NT5DC1: variants seen among roughly 807,000 people sequenced by gnomAD.
NT5DC1 encodes the protein 5'-nucleotidase domain-containing protein 1.
NT5DC1 carries 42 observed loss-of-function variants against 59.4 expected under a neutral mutation model. The ratio of observed to expected loss-of-function variants is 0.71; its 90% CI spans 0.55 to 0.92. NT5DC1 has a LOEUF of 0.92. NT5DC1 is among the 40% of genes least tolerant of loss of function. The pLI, the probability that NT5DC1 is intolerant of heterozygous loss-of-function variation, is 0.00. For synonymous variants in NT5DC1, 172 were observed against 188.1 expected, an observed-to-expected ratio of 0.91 and a Z score of 0.70; for missense variants, 501 against 537.1, an observed-to-expected ratio of 0.93 and a Z score of 0.66.
chr6:116,103,377 G>T (rs186745544), intron 1 of NT5DC1, among the ~76,000 whole-genome samples: 1 of 151,906 alleles, frequency 6.6e-6, no homozygotes, highest in East Asian at 1.9e-4. Flanking sequence ...ATCAAGCAAC[G>T]GGGCACAGAA....
At chr6:116,187,751 A>G (rs187191159) in intron 6 of NT5DC1, among the ~76,000 whole-genome samples, 2 of 152,214 alleles carry the variant, frequency 1.3e-5, no homozygotes, top group Non-Finnish European at 1.5e-5. Context: ...CAAATCAGTA[A>G]AGCTATCAGA....
chr6:116,183,119 G>A (rs1287299480), intron 6 of NT5DC1, among the ~76,000 whole-genome samples: 1 of 151,974 alleles, frequency 6.6e-6, no homozygotes, highest in Non-Finnish European at 1.5e-5. Flanking sequence ...TGCACCATTT[G>A]TTGAATAGGG....
rs1400779086 is a variant in NT5DC1, at chr6:116,246,236, C to T, written c.*2212C>T. The T allele has an allele frequency of 6.6e-6, 1 of 151,980 alleles. No individual in the cohort carries two copies. The highest frequency in any genetic ancestry group is 1.5e-5 in the Non-Finnish European group (1 of 67,964). The allele number at this position is 151,980 out of a possible 1,614,324, so 9.4% of individuals were successfully genotyped here. Reference sequence around the variant, plus strand: ...AAGGACACCTAAAAATAGATGTAAGCGAGCGGAGGTTTTCTTTGCTGGCCA... The same window carrying T: ...AAGGACACCTAAAAATAGATGTAAGTGAGCGGAGGTTTTCTTTGCTGGCCA... On this transcript the variant is annotated 3_prime_UTR_variant, in exon 12 of 12. Transcript: ENST00000319550.
At chr6:116,153,761 G>A (rs1780111601) in intron 6 of NT5DC1, among the ~76,000 whole-genome samples, 1 of 152,124 alleles carries the variant, frequency 6.6e-6, no homozygotes, top group South Asian at 2.1e-4. Flanking sequence ...TCATTTTTAT[G>A]TTTTATGCAA....
chr6:116,162,739 T>G (rs184172023), intron 6 of NT5DC1, among the ~76,000 whole-genome samples: 111 of 152,268 alleles, frequency 7.3e-4, no homozygotes, highest in Admixed American at 1.8e-3. Flanking sequence ...AGTTTTCTGT[T>G]TTTGTGTTAT....
intron 6 of NT5DC1, among the ~76,000 whole-genome samples, chr6:116,207,356 C>G (rs1781478093): frequency 1.1e-5 from 1 of 90,710 alleles, no homozygotes; most frequent in African/African-American, 4.8e-5. Context: ...TTAATGTATT[C>G]TAAAGAGAGA....
chr6:116,240,501 G>T (rs1388417384), intron 11 of NT5DC1, among the ~76,000 whole-genome samples: 1 of 152,060 alleles, frequency 6.6e-6, no homozygotes, highest in Non-Finnish European at 1.5e-5. Context: ...ATCCACAGGG[G>T]TCCCCTGCAG....
Position 116,165,885 on chromosome 6 carries a change from C to G in NT5DC1, c.529+47940C>G, listed in dbSNP as rs575421814. On this transcript the variant is annotated intron_variant, in intron 6 of 11. Coordinates refer to ENST00000319550, the MANE Select transcript of NT5DC1 (RefSeq NM_152729.3). Reference sequence around the variant, plus strand: ...TTGCAACAACTTGGGCTGAGATTCCCCATGCAGGGTAGTAGCCCACAATGA... The same window carrying G: ...TTGCAACAACTTGGGCTGAGATTCCGCATGCAGGGTAGTAGCCCACAATGA... Among the ~76,000 whole-genome samples the G allele has an allele frequency of 2.0e-5, 3 of 152,290 alleles. No homozygotes were observed. The South Asian group carries it at 6.2e-4, about 32-fold the overall frequency.
chr6:116,231,996 G>A (rs1465774411), intron 8 of NT5DC1, among the ~76,000 whole-genome samples: 1 of 152,118 alleles, frequency 6.6e-6, no homozygotes, highest in Admixed American at 6.5e-5. Context: ...TTATTTCTTT[G>A]CAGTTCTGCA....
rs74315526 is a variant in NT5DC1, at chr6:116,200,499, A to G, written c.530-20555A>G. The stretch of plus-strand genomic sequence containing the variant: ...GAAATTGAGTGTGAGGTGTATGGGA[A>G]CTCTGGACTATCTTTGTAATTTTTC... On this transcript the variant is annotated intron_variant, in intron 6 of 11. Coordinates refer to ENST00000319550, the MANE Select transcript of NT5DC1 (RefSeq NM_152729.3). 5.3e-4 allele frequency among the ~76,000 whole-genome samples: 81 copies of G among 152,124 alleles called. 4 individuals are homozygous for G. In the East Asian group the frequency reaches 0.015, roughly 27 times the overall value.
chr6:116,238,908 G>A (rs776745937), intron 10 of NT5DC1, 47 bp from the exon 11 acceptor site: 1 of 1,201,074 alleles, frequency 8.3e-7, no homozygotes, highest in Admixed American at 1.9e-5. Flanking sequence ...TTATGAGATT[G>A]AACATTAGTT....
intron 6 of NT5DC1, chr6:116,119,776 T>C (rs529446967): frequency 3.7e-6 from 1 of 267,352 alleles, no homozygotes; most frequent in East Asian, 6.7e-5. Context: ...TTGTTGTTTG[T>C]TTTTTGTTGT....
intron 6 of NT5DC1, among the ~76,000 whole-genome samples, chr6:116,204,374 C>A (rs530391366): frequency 1.3e-5 from 2 of 151,916 alleles, no homozygotes; most frequent in Non-Finnish European, 2.9e-5. Flanking sequence ...CAAAAAGATG[C>A]ACTACCTAAT....
chr6:116,106,273 A>T lies in NT5DC1; in HGVS notation c.123A>T (p.Leu41=). Residue 41 remains leucine, a synonymous_variant, in exon 2 of 12, where the codon CTA becomes CTT. Transcript: ENST00000319550. ...PLIYNSFAQF[L]VKEKGYDKEL... is the part of the protein sequence containing the mutation. ...TTTATAATAGCTTTGCCCAGTTCCT[A>T]GTTAAGGAGAAAGGGTACGATAAGG... 1 of 1,583,742 alleles carries T rather than the reference A, an allele frequency of 6.3e-7. No individual in the cohort carries two copies. The highest frequency in any genetic ancestry group is 8.7e-7 in the Non-Finnish European group (1 of 1,153,704).
At chr6:116,225,728 T>C (rs1781893994) in intron 8 of NT5DC1, among the ~76,000 whole-genome samples, 1 of 152,200 alleles carries the variant, frequency 6.6e-6, no homozygotes, top group South Asian at 2.1e-4. Context: ...GAATTTTAGC[T>C]CTAAAGGCAG....
chr6:116,232,463 G>A (rs895940006), intron 8 of NT5DC1, among the ~76,000 whole-genome samples: 3 of 151,716 alleles, frequency 2.0e-5, no homozygotes, highest in African/African-American at 7.3e-5. Context: ...GAAGAGGTGA[G>A]TGCATACCAG....
chr6:116,143,278 T>C (rs1210382223), intron 6 of NT5DC1, among the ~76,000 whole-genome samples: 3 of 152,176 alleles, frequency 2.0e-5, no homozygotes, highest in African/African-American at 7.2e-5. Context: ...TGGCGCGATT[T>C]TGGCTCATTG....
intron 6 of NT5DC1, among the ~76,000 whole-genome samples, chr6:116,151,807 A>G (rs1020923056): frequency 6.6e-6 from 1 of 152,220 alleles, no homozygotes; most frequent in African/African-American, 2.4e-5. Flanking sequence ...AGCAACAACA[A>G]AATACTTCAC....
In NT5DC1 at chr6:116,249,131, T is replaced by C. The variant is rs937869318; in HGVS notation, c.*5107T>C. 1 of 152,010 alleles carries C rather than the reference T, an allele frequency of 6.6e-6. No homozygotes were observed. The highest frequency in any genetic ancestry group is 1.5e-5 in the Non-Finnish European group (1 of 68,008). The allele number at this position is 152,010 out of a possible 1,614,324, so 9.4% of individuals were successfully genotyped here. On this transcript the variant is annotated 3_prime_UTR_variant, in exon 12 of 12. Coordinates refer to ENST00000319550, the MANE Select transcript of NT5DC1 (RefSeq NM_152729.3). ...GGTAAAATGAACATTGTTAGAGGAA[T>C]TTAGGATTAAGATGGATGTAGAGCT... is the stretch of plus-strand genomic sequence containing the variant.
Sources: gnomAD v4.1 joint callset for allele counts (sites outside exome capture counted in the v4.1 genomes callset) on GRCh38, gnomAD v4.1.1 for gene constraint, MANE v1.5 for transcripts, NCBI Gene and HGNC (gene_info 2026-07-23, HGNC 2026-07-21) for gene names.